The following CAMSAP1 variants were observed in gnomAD, a reference collection of about 807,000 sequenced individuals.
The protein encoded by CAMSAP1 is calmodulin-regulated spectrin-associated protein 1.
CAMSAP1 carries 58 observed loss-of-function variants against 143.5 expected under a neutral mutation model. The ratio of observed to expected loss-of-function variants is 0.40; its 90% CI spans 0.33 to 0.50. The LOEUF is 0.50. Ranked by LOEUF, CAMSAP1 falls within the 20% of genes least tolerant of loss-of-function variation. CAMSAP1 has a pLI of 0.45. For missense variants in CAMSAP1, 1,969 were observed against 2,115.7 expected, an observed-to-expected ratio of 0.93 and a Z score of 1.36; for synonymous variants, 945 against 859.3, an observed-to-expected ratio of 1.10 and a Z score of -1.74.
At chr9:135,848,312 T>C (rs1290585357) in intron 7 of CAMSAP1, among the ~76,000 whole-genome samples, 1 of 152,078 alleles carries the variant, frequency 6.6e-6, no homozygotes, top group African/African-American at 2.4e-5. Flanking sequence ...TCTAAGCTTT[T>C]TGTCGTTATT....
In CAMSAP1 at chr9:135,811,249, C is replaced by A; in HGVS notation, c.*60G>T. Reference sequence around the variant, plus strand: ...GGACCCCGTGGCACCCTCTGGATGCCAGCCACAAGGGCATCATTTACGAGT... The same window carrying A: ...GGACCCCGTGGCACCCTCTGGATGCAAGCCACAAGGGCATCATTTACGAGT... On this transcript the variant is annotated 3_prime_UTR_variant, in exon 17 of 17. Transcript: ENST00000389532. The surrounding 1 kb of genome is among the most constrained non-coding windows in gnomAD (Gnocchi z 4.9). 1 of 1,549,890 alleles carries A rather than the reference C, an allele frequency of 6.5e-7. No individual in the cohort carries two copies. The highest frequency in any genetic ancestry group is 8.7e-7 in the Non-Finnish European group (1 of 1,144,320).
chr9:135,812,252 G>A (rs886214343), intron 16 of CAMSAP1, among the ~76,000 whole-genome samples: 2 of 152,160 alleles, frequency 1.3e-5, no homozygotes, highest in Non-Finnish European at 1.5e-5. Flanking sequence ...AATGTTTGAA[G>A]AAGAATCAAC....
intron 7 of CAMSAP1, among the ~76,000 whole-genome samples, chr9:135,842,959 T>G (rs1470478135): frequency 6.6e-6 from 1 of 152,098 alleles, no homozygotes; most frequent in African/African-American, 2.4e-5. Context: ...GCAGCTAGCA[T>G]CATAATGACA....
chr9:135,884,993 G>A (rs574618710), intron 1 of CAMSAP1, among the ~76,000 whole-genome samples: 8 of 152,248 alleles, frequency 5.3e-5, no homozygotes, highest in East Asian at 3.9e-4. Context: ...CACCGGCTGC[G>A]GGGAAAGATG....
intron 3 of CAMSAP1, among the ~76,000 whole-genome samples, 186 bp downstream of exon 3, chr9:135,881,447 C>T (rs923978843): frequency 5.9e-5 from 9 of 152,132 alleles, no homozygotes; most frequent in African/African-American, 1.9e-4. Context: ...TCTCGGCCTG[C>T]GGGAGAAACA....
intron 7 of CAMSAP1, chr9:135,836,313 C>A (rs1318056933): frequency 1.0e-6 from 1 of 984,688 alleles, no homozygotes; most frequent in Non-Finnish European, 1.2e-6. Flanking sequence ...GTTCTACAGA[C>A]ACACGTCACC....
chr9:135,874,485 G>GC (rs1414674691), intron 3 of CAMSAP1, among the ~76,000 whole-genome samples: 2 of 149,714 alleles, frequency 1.3e-5, no homozygotes, highest in South Asian at 2.1e-4. Flanking sequence ...AAAAGGGGGG[G>GC]GGGGGCCACA....
In CAMSAP1 at chr9:135,818,042, C is replaced by T. The variant is rs368736290; in HGVS notation, c.4206G>A (p.Leu1402=). 1.9e-6 allele frequency: 3 copies of T among 1,613,778 alleles called. No homozygotes were observed. In the African/African-American group the frequency reaches 4.0e-5, roughly 22 times the overall value. Residue 1402 remains leucine, a synonymous_variant, in exon 14 of 17, where the codon CTG becomes CTA. Transcript: ENST00000389532. The surrounding 1 kb of genome is among the most constrained non-coding windows in gnomAD (Gnocchi z 7.7). ...CTGTCGTCGCCGCAGAGGCCAAGGA[C>T]AGGCTGGAGCCTGACTGAGTCCGGC... ...NLSRTQSGSS[L]SLASAATTEP... is the part of the protein sequence containing the mutation.
At position 135,818,175 on chromosome 9, in the gene CAMSAP1, C is replaced by A. The variant is rs1835310174; in HGVS notation, c.4169-96G>T. 2 of 1,340,034 alleles carry A rather than the reference C, an allele frequency of 1.5e-6. No homozygotes were observed. 83.0% of individuals were successfully genotyped at this position (1,340,034 alleles called of 1,614,324 possible). ...GTTCCCCTCACCTCGCCCTGCAGAG[C>A]TCGGCCACACAGGCCGCGTCCCCAC... On this transcript the variant is annotated intron_variant, in intron 13 of 16. Transcript: ENST00000389532. This position sits in a 1 kb window ranked among gnomAD's most constrained non-coding sequence, Gnocchi z 7.7.
At chr9:135,845,337 T>C (rs1836513255) in intron 7 of CAMSAP1, among the ~76,000 whole-genome samples, 1 of 152,144 alleles carries the variant, frequency 6.6e-6, no homozygotes. Context: ...CTAAAAACTC[T>C]CAATAAACTA....
At chr9:135,830,897 G>A (rs371586349) in intron 7 of CAMSAP1, among the ~76,000 whole-genome samples, 10 of 152,170 alleles carry the variant, frequency 6.6e-5, no homozygotes, top group African/African-American at 1.9e-4. Flanking sequence ...AAGGCCAGGC[G>A]CAGTGGCTCA....
At position 135,810,511 on chromosome 9, in the gene CAMSAP1, C is replaced by T. The variant is rs1035456341; in HGVS notation, c.*798G>A. The T allele has an allele frequency of 3.3e-5, 5 of 152,610 alleles. No individual in the cohort carries two copies. The highest frequency in any genetic ancestry group is 5.9e-5 in the Non-Finnish European group (4 of 68,054). The allele number at this position is 152,610 out of a possible 1,614,324, so 9.5% of individuals were successfully genotyped here. The stretch of plus-strand genomic sequence containing the variant: ...TAATGAATGATGGCTGCAGTTGGCT[C>T]GGCTTGCCTACTTTAAATGAGGCAA... On this transcript the variant is annotated 3_prime_UTR_variant, in exon 17 of 17. Transcript: ENST00000389532.
At chr9:135,848,756 T>G (rs1386282113) in intron 7 of CAMSAP1, among the ~76,000 whole-genome samples, 2 of 152,240 alleles carry the variant, frequency 1.3e-5, no homozygotes, top group African/African-American at 4.8e-5. Flanking sequence ...TGGGAGCTTC[T>G]TTTTAGCTGT....
At chr9:135,856,750 C>T (rs1269071012) in intron 5 of CAMSAP1, among the ~76,000 whole-genome samples, 2 of 152,256 alleles carry the variant, frequency 1.3e-5, no homozygotes, top group African/African-American at 2.4e-5. Context: ...TCTACTTACA[C>T]TCCTTGCACA....
chr9:135,876,459 T>C (rs1348807671), intron 3 of CAMSAP1, among the ~76,000 whole-genome samples: 1 of 152,198 alleles, frequency 6.6e-6, no homozygotes, highest in Non-Finnish European at 1.5e-5. Flanking sequence ...GACAAGCATC[T>C]TTACCCATTA....
intron 1 of CAMSAP1, among the ~76,000 whole-genome samples, chr9:135,899,527 C>T (rs563285499): frequency 2.0e-5 from 3 of 152,074 alleles, no homozygotes; most frequent in Non-Finnish European, 4.4e-5. Flanking sequence ...AGATTTCATA[C>T]ATCTCTCCCC....
chr9:135,867,849 C>G (rs1837433656), intron 3 of CAMSAP1, among the ~76,000 whole-genome samples: 1 of 152,226 alleles, frequency 6.6e-6, no homozygotes, highest in Non-Finnish European at 1.5e-5. Context: ...GCCAGTGCAG[C>G]CCCAGTGCTG....
intron 7 of CAMSAP1, among the ~76,000 whole-genome samples, chr9:135,840,864 A>T (rs1836317452): frequency 6.6e-6 from 1 of 152,108 alleles, no homozygotes; most frequent in Non-Finnish European, 1.5e-5. Context: ...AGACCAGGAG[A>T]TTCCCTTCAG....
chr9:135,865,494 G>T, intron 4 of CAMSAP1: 2 of 803,672 alleles, frequency 2.5e-6, no homozygotes, highest in Admixed American at 2.5e-5. Context: ...GGTAAGCAAA[G>T]TCTTCTAAGT....
Sources: allele counts gnomAD v4.1 joint callset (sites outside exome capture counted in the v4.1 genomes callset), GRCh38; gene constraint gnomAD v4.1.1; non-coding constraint Gnocchi (gnomAD v3.1); transcripts MANE v1.5; gene names NCBI Gene and HGNC (gene_info 2026-07-23, HGNC 2026-07-21).